Variants in GPR158 observed in about 807,000 individuals in gnomAD.
The protein encoded by GPR158 is G protein-coupled receptor 158.
GPR158 carries 30 observed loss-of-function variants against 78.2 expected under a neutral mutation model. The observed-to-expected ratio is 0.38, with a 90% CI of 0.29 to 0.52. GPR158 has a LOEUF of 0.52. Ranked by LOEUF, GPR158 falls within the 20% of genes least tolerant of loss-of-function variation. The pLI is 0.83. For missense variants in GPR158, 1,463 were observed against 1,523.5 expected (o/e 0.96, Z 0.66); for synonymous variants, 581 against 591.1 (o/e 0.98, Z 0.25).
At position 25,574,710 on chromosome 10, in the gene GPR158, C is replaced by T. The variant is rs761465754; in HGVS notation, c.1753+1823C>T. ...GACCAGCCTGACCAACATGGTGAAA[C>T]ACCGTCTCTACTAAAAATACAAAAA... On this transcript the variant is annotated intron_variant, in intron 7 of 10. Coordinates refer to ENST00000376351, the MANE Select transcript of GPR158 (RefSeq NM_020752.3). 3.3e-5 allele frequency among the ~76,000 whole-genome samples: 5 copies of T among 152,070 alleles called. No individual in the cohort carries two copies. The East Asian group carries it at 9.7e-4, about 29-fold the overall frequency.
intron 5 of GPR158, among the ~76,000 whole-genome samples, chr10:25,489,611 A>C (rs573812621): frequency 1.6e-4 from 25 of 152,000 alleles, no homozygotes; most frequent in African/African-American, 6.0e-4. Context: ...CCCTAGCTGT[A>C]CTCTCCCTTC....
At chr10:25,593,402 T>C (rs1837365704) in intron 8 of GPR158, among the ~76,000 whole-genome samples, 1 of 152,110 alleles carries the variant, frequency 6.6e-6, no homozygotes, top group Non-Finnish European at 1.5e-5. Flanking sequence ...TTTCTTAGGA[T>C]GTTAACTTTG....
At chr10:25,411,910 G>A (rs1310765642) in intron 3 of GPR158, among the ~76,000 whole-genome samples, 2 of 113,634 alleles carry the variant, frequency 1.8e-5, no homozygotes, top group Non-Finnish European at 3.3e-5. Context: ...CTCCAGCCTG[G>A]GCGACAGAGC....
At chr10:25,184,313 C>T (rs140421124) in intron 1 of GPR158, among the ~76,000 whole-genome samples, 1 of 152,144 alleles carries the variant, frequency 6.6e-6, no homozygotes, top group South Asian at 2.1e-4. Flanking sequence ...ACCTTAGCCT[C>T]CTAAGTAGCT....
At chr10:25,483,676 C>A (rs1449492376) in intron 5 of GPR158, among the ~76,000 whole-genome samples, 1 of 152,094 alleles carries the variant, frequency 6.6e-6, no homozygotes, top group Non-Finnish European at 1.5e-5. Context: ...CTAATACATA[C>A]TGGATGCTTA....
intron 1 of GPR158, among the ~76,000 whole-genome samples, chr10:25,184,963 C>T (rs755100877): frequency 1.3e-5 from 2 of 152,190 alleles, no homozygotes; most frequent in Non-Finnish European, 2.9e-5. Context: ...ACATTTGGGA[C>T]CAGATAGGCC....
At chr10:25,556,900 GA>G (rs143038387) in intron 6 of GPR158, among the ~76,000 whole-genome samples, 40,748 of 151,866 alleles carry the variant, frequency 0.27, 6,692 homozygotes, top group Non-Finnish European at 0.36. Flanking sequence ...TAAAAACGTT[GA>G]AAAAAAGTTT....
intron 5 of GPR158, among the ~76,000 whole-genome samples, chr10:25,537,295 A>G (rs2130699427): frequency 6.6e-6 from 1 of 152,346 alleles, no homozygotes; most frequent in African/African-American, 2.4e-5. Context: ...GCCTTAATAT[A>G]GTAATATGAT....
At chr10:25,316,207 C>CGAA (rs1189183398) in intron 2 of GPR158, among the ~76,000 whole-genome samples, 3 of 152,052 alleles carry the variant, frequency 2.0e-5, no homozygotes, top group Admixed American at 6.6e-5. Context: ...ATATGTTTCA[C>CGAA]AGTTGATCAT....
chr10:25,431,342 T>C (rs944781063), intron 4 of GPR158, among the ~76,000 whole-genome samples: 2 of 148,658 alleles, frequency 1.3e-5, no homozygotes, highest in African/African-American at 2.5e-5. Context: ...TGGCAGTCAT[T>C]AAAAAGTCAG....
intron 1 of GPR158, among the ~76,000 whole-genome samples, chr10:25,208,853 T>C (rs886908414): frequency 2.1e-5 from 3 of 144,956 alleles, no homozygotes; most frequent in African/African-American, 5.3e-5. Flanking sequence ...TTTCCTTCTT[T>C]TTTTTTTTTT....
chr10:25,213,763 C>T (rs778590438), intron 1 of GPR158, among the ~76,000 whole-genome samples: 3 of 152,138 alleles, frequency 2.0e-5, no homozygotes, highest in South Asian at 2.1e-4. Context: ...ATTTTTTATG[C>T]TTATTGTGCT....
chr10:25,541,104 T>C (rs553957160), intron 5 of GPR158, among the ~76,000 whole-genome samples: 2 of 151,796 alleles, frequency 1.3e-5, no homozygotes, highest in East Asian at 3.9e-4. Flanking sequence ...ATATAAAAGT[T>C]CCTGTTCCTC....
chr10:25,589,178 T>G (rs769873997), intron 8 of GPR158, 33 bp downstream of exon 8: 2 of 1,516,236 alleles, frequency 1.3e-6, no homozygotes, highest in East Asian at 4.6e-5. Context: ...AAATAACTAT[T>G]TTATTTTTCT....
intron 4 of GPR158, among the ~76,000 whole-genome samples, chr10:25,414,419 T>G (rs1316929009): frequency 2.6e-5 from 4 of 152,174 alleles, no homozygotes; most frequent in African/African-American, 9.6e-5. Flanking sequence ...ATTGCTAAAT[T>G]AAACATTATC....
At chr10:25,323,255 AG>A (rs1449762331) in intron 2 of GPR158, among the ~76,000 whole-genome samples, 1 of 152,204 alleles carries the variant, frequency 6.6e-6, no homozygotes, top group African/African-American at 2.4e-5. Flanking sequence ...TTACATTTAT[AG>A]AACAGGCAGA....
chr10:25,268,351 T>A (rs1207014091), intron 2 of GPR158, among the ~76,000 whole-genome samples: 5 of 152,140 alleles, frequency 3.3e-5, no homozygotes, highest in African/African-American at 1.2e-4. Flanking sequence ...CTTTAGTATA[T>A]CTGTGAAGTC....
intron 2 of GPR158, among the ~76,000 whole-genome samples, chr10:25,303,300 T>A (rs1030310046): frequency 6.6e-6 from 1 of 152,242 alleles, no homozygotes; most frequent in Non-Finnish European, 1.5e-5. Flanking sequence ...TTTTGGCTAC[T>A]GTATTGGACA....
At chr10:25,226,327 T>C (rs1030494481) in intron 2 of GPR158, among the ~76,000 whole-genome samples, 1 of 152,206 alleles carries the variant, frequency 6.6e-6, no homozygotes, top group Non-Finnish European at 1.5e-5. Flanking sequence ...TGCCGTAGGA[T>C]ATAGTCTAGC....
Sources: allele counts gnomAD v4.1 joint callset (sites outside exome capture counted in the v4.1 genomes callset), GRCh38; gene constraint gnomAD v4.1.1; transcripts MANE v1.5; gene names NCBI Gene and HGNC (gene_info 2026-07-23, HGNC 2026-07-21).